FBXO25: variants seen among roughly 807,000 people sequenced by gnomAD.
FBXO25 encodes F-box protein 25, also known as F-box only protein 25.
Under a neutral mutation model 51.9 loss-of-function variants are expected in FBXO25, and 45 were observed. The observed-to-expected ratio is 0.87, with a 90% CI of 0.68 to 1.11. The LOEUF is 1.11. Ranked by LOEUF, FBXO25 falls within the 50% of genes most tolerant of loss-of-function variation. The probability of loss-of-function intolerance (pLI) is 0.00; values close to 1 mark genes in which losing one functional copy is unlikely to be tolerated. For missense variants in FBXO25, 507 were observed against 428.5 expected (o/e 1.18, Z -1.62); for synonymous variants, 199 against 151.0 (o/e 1.32, Z -2.33).
In FBXO25 at chr8:468,207, A is replaced by G. The variant is rs1042917272; in HGVS notation, c.988-508A>G. The G allele has an allele frequency of 5.0e-6, 5 of 1,009,746 alleles. No homozygotes were observed. The African/African-American group carries it at 8.6e-5, about 17-fold the overall frequency. 62.5% of individuals were successfully genotyped at this position (1,009,746 alleles called of 1,614,324 possible). On this transcript the variant is annotated intron_variant, in intron 9 of 9. Coordinates refer to ENST00000350302, the MANE Select transcript of FBXO25 (RefSeq NM_183420.2). ...ATGTGAGCATGGCCAGCTCCCTTGG[A>G]GCAAGCAGGAGCCTTGGGGGCTGAG... is the stretch of plus-strand genomic sequence containing the variant.
chr8:437,739 A>ATT lies in FBXO25; in HGVS notation c.381+2047_381+2048dup, dbSNP rs34339077. On this transcript the variant is annotated intron_variant, in intron 5 of 9. Coordinates refer to ENST00000350302, the MANE Select transcript of FBXO25 (RefSeq NM_183420.2). The stretch of plus-strand genomic sequence containing the variant: ...TGTTGGCTTTCTTTCAGTGTGTGCT[A>ATT]TTTTTTTTTTTTTTTTACTTTATCG... 7.2e-5 allele frequency among the ~76,000 whole-genome samples: 10 copies of ATT among 137,982 alleles called. No homozygotes were observed. The East Asian group carries it at 1.1e-3, about 15-fold the overall frequency. 90.5% of individuals were successfully genotyped at this position (137,982 alleles called of 152,430 possible). A position where few individuals can be genotyped will look rare whatever the true frequency, so the allele number is the denominator to read the frequency against.
chr8:409,846 TTTAA>T (rs1796384560), intron 1 of FBXO25, among the ~76,000 whole-genome samples: 1 of 152,174 alleles, frequency 6.6e-6, no homozygotes, highest in Admixed American at 6.5e-5. Context: ...CTGAAAAACG[TTTAA>T]TTACTGACAG....
intron 2 of FBXO25, among the ~76,000 whole-genome samples, chr8:424,412 G>C (rs1797345504): frequency 6.6e-6 from 1 of 152,020 alleles, no homozygotes; most frequent in Non-Finnish European, 1.5e-5. Flanking sequence ...ATTTGTTTTT[G>C]GGAACTTAGC....
At chr8:414,780 C>T (rs1483236809) in intron 2 of FBXO25, among the ~76,000 whole-genome samples, 4 of 152,164 alleles carry the variant, frequency 2.6e-5, no homozygotes, top group African/African-American at 4.8e-5. Flanking sequence ...ATGACAGCAA[C>T]GCTGGGTACC....
At chr8:412,225 C>T (rs1457113700) in intron 1 of FBXO25, among the ~76,000 whole-genome samples, 1 of 152,124 alleles carries the variant, frequency 6.6e-6, no homozygotes, top group Non-Finnish European at 1.5e-5. Context: ...CTCTCCTTTC[C>T]TAATAAAACC....
At chr8:429,731 G>C (rs905109066) in intron 2 of FBXO25, among the ~76,000 whole-genome samples, 13 of 152,154 alleles carry the variant, frequency 8.5e-5, no homozygotes, top group African/African-American at 2.9e-4. Context: ...GCCCAGGCTT[G>C]GTCCTCAAGT....
In FBXO25 at chr8:442,267, G is replaced by A. The variant is rs369623603; in HGVS notation, c.381+6560G>A. On this transcript the variant is annotated intron_variant, in intron 5 of 9. Coordinates refer to ENST00000350302, the MANE Select transcript of FBXO25 (RefSeq NM_183420.2). ...CAAACCAACTATTGTATACATAAAT[G>A]TTTTTAAGTTACTCCAATTATTTTT... 2.4e-4 allele frequency among the ~76,000 whole-genome samples: 35 copies of A among 147,254 alleles called. No homozygotes were observed. In the South Asian group the frequency reaches 7.1e-3, roughly 30 times the overall value.
Position 422,922 on chromosome 8 carries a change from A to C in FBXO25, c.135-8419A>C, listed in dbSNP as rs187112605. ...CACAGGTCAGGACTCCCTGAACTGT[A>C]CTTAAAAGTCTATTCTGCTGTATAT... On this transcript the variant is annotated intron_variant, in intron 2 of 9. Coordinates refer to ENST00000350302, the MANE Select transcript of FBXO25 (RefSeq NM_183420.2). Among the ~76,000 whole-genome samples, 457 of 152,246 alleles carry C rather than the reference A, an allele frequency of 3.0e-3. 1 individual carries two copies. Among genetic ancestry groups the C allele is most frequent in the Non-Finnish European group, 5.4e-3 (367 of 68,016 alleles).
At chr8:433,007 T>C (rs1393972263) in intron 4 of FBXO25, 72 bp downstream of exon 4, 1 of 1,445,158 alleles carries the variant, frequency 6.9e-7, no homozygotes, top group Non-Finnish European at 9.2e-7. Flanking sequence ...ATTAAATAAA[T>C]GTATTAATAA....
intron 2 of FBXO25, among the ~76,000 whole-genome samples, chr8:413,451 A>C (rs1055966001): frequency 6.6e-6 from 1 of 151,964 alleles, no homozygotes; most frequent in South Asian, 2.1e-4. Flanking sequence ...AATAATTGGG[A>C]GAGAGGTATT....
rs1216295398 is a variant in FBXO25, at chr8:473,680, G to A, written c.*4876G>A. 3.3e-5 allele frequency: 5 copies of A among 152,168 alleles called. No homozygotes were observed. The highest frequency in any genetic ancestry group is 1.2e-4 in the African/African-American group (5 of 41,434). The allele number at this position is 152,168 out of a possible 1,614,324, so 9.4% of individuals were successfully genotyped here. A position where few individuals can be genotyped will look rare whatever the true frequency, so the allele number is the denominator to read the frequency against. On this transcript the variant is annotated 3_prime_UTR_variant, in exon 10 of 10. Transcript: ENST00000350302. ...GCTGGTGCCACAGGGGTCCTGGGCT[G>A]GCTCTTGGACCATAACCAGCGTTCA...
At chr8:451,734 T>G (rs1331387978) in intron 7 of FBXO25, among the ~76,000 whole-genome samples, 1 of 152,198 alleles carries the variant, frequency 6.6e-6, no homozygotes, top group Non-Finnish European at 1.5e-5. Context: ...AATATTTCAG[T>G]TATTAGAATA....
chr8:409,310 T>C (rs1274051700), intron 1 of FBXO25, among the ~76,000 whole-genome samples: 1 of 152,206 alleles, frequency 6.6e-6, no homozygotes, highest in Non-Finnish European at 1.5e-5. Flanking sequence ...AGCACACACA[T>C]CTTCAGAGAA....
intron 2 of FBXO25, among the ~76,000 whole-genome samples, chr8:431,105 G>C (rs1323787067): frequency 6.6e-6 from 1 of 152,112 alleles, no homozygotes; most frequent in Non-Finnish European, 1.5e-5. Context: ...CCTTGGATAA[G>C]TATATCAAGA....
intron 2 of FBXO25, among the ~76,000 whole-genome samples, chr8:416,330 A>G (rs867423756): frequency 6.6e-6 from 1 of 152,250 alleles, no homozygotes; most frequent in Non-Finnish European, 1.5e-5. Flanking sequence ...TTGTGTCACC[A>G]GGAAATCCAG....
intron 5 of FBXO25, among the ~76,000 whole-genome samples, chr8:439,202 C>A (rs192246699): frequency 2.6e-5 from 4 of 152,226 alleles, no homozygotes; most frequent in African/African-American, 9.6e-5. Context: ...CCTTGGAGTC[C>A]TGGGCTTGCT....
chr8:408,753 C>A (rs1368182670), intron 1 of FBXO25, among the ~76,000 whole-genome samples: 2 of 152,154 alleles, frequency 1.3e-5, no homozygotes, highest in Admixed American at 6.5e-5. Context: ...ACTGAAGTAT[C>A]CCACCCACGT....
At chr8:447,716 T>C (rs149924493) in intron 5 of FBXO25, among the ~76,000 whole-genome samples, 1,785 of 152,294 alleles carry the variant, frequency 0.012, 25 homozygotes, top group Non-Finnish European at 0.013. Context: ...ATACACCTTA[T>C]ACATATTACC....
In FBXO25 at chr8:472,773, G is replaced by C. The variant is rs1346183504; in HGVS notation, c.*3969G>C. The C allele has an allele frequency of 2.6e-5, 4 of 152,192 alleles. No homozygotes were observed. The highest frequency in any genetic ancestry group is 4.4e-5 in the Non-Finnish European group (3 of 68,028). 9.4% of individuals were successfully genotyped at this position (152,192 alleles called of 1,614,324 possible). A position where few individuals can be genotyped will look rare whatever the true frequency, so the allele number is the denominator to read the frequency against. On this transcript the variant is annotated 3_prime_UTR_variant, in exon 10 of 10. Coordinates refer to ENST00000350302, the MANE Select transcript of FBXO25 (RefSeq NM_183420.2). ...CTTTTCATTGCGAAGGCCTAACTTA[G>C]TAGATAAGTGGACTGTGAAACCTAG... is the stretch of plus-strand genomic sequence containing the variant.
Sources: gnomAD v4.1 joint callset for allele counts (sites outside exome capture counted in the v4.1 genomes callset) on GRCh38, gnomAD v4.1.1 for gene constraint, MANE v1.5 for transcripts, NCBI Gene and HGNC (gene_info 2026-07-23, HGNC 2026-07-21) for gene names.